The following DDX21 variants were observed in gnomAD, a reference collection of about 807,000 sequenced individuals.
The protein encoded by DDX21 is DExD-box helicase 21.
DDX21 carries 18 observed loss-of-function variants against 90.0 expected under a neutral mutation model. That is an observed-to-expected ratio of 0.20 (90% CI 0.14 to 0.30). The LOEUF is 0.30. Among genes scored for constraint, DDX21 ranks in the 10% least tolerant of loss-of-function variants. DDX21 has a pLI of 1.00. For synonymous variants in DDX21, 294 were observed against 318.0 expected, an observed-to-expected ratio of 0.92 and a Z score of 0.80; for missense variants, 673 against 944.5, an observed-to-expected ratio of 0.71 and a Z score of 3.77.
intron 7 of DDX21, 55 bp downstream of exon 7, chr10:68,969,176 C>T: frequency 1.3e-6 from 2 of 1,519,504 alleles, no homozygotes; most frequent in East Asian, 2.3e-5. Context: ...TTTTTCTTGT[C>T]TGTTAGTATT....
At chr10:68,970,484 A>AATT in intron 8 of DDX21, 134 bp downstream of exon 8, 2 of 750,774 alleles carry the variant, frequency 2.7e-6, no homozygotes, top group Non-Finnish European at 3.7e-6. Context: ...AGAGGAAGCT[A>AATT]CTTTTTTTTT....
chr10:68,963,345 A>T lies in DDX21; in HGVS notation c.662A>T (p.Tyr221Phe), dbSNP rs368733864. The T allele has an allele frequency of 3.3e-5, 53 of 1,614,192 alleles. No homozygotes were observed. Among genetic ancestry groups the T allele is most frequent in the Non-Finnish European group, 4.5e-5 (53 of 1,180,026 alleles). Residue 221 changes from tyrosine (Y) to phenylalanine (F), a missense_variant, in exon 4 of 15, where the codon TAC becomes TTC. By Grantham distance (22) the Tyr-to-Phe change is conservative. This residue lies in a region of DDX21 where 218 missense variants were observed against 347.3 expected (regional missense o/e 0.63). Transcript: ENST00000354185. ...CAAGCAAAGACATTCCATCATGTTT[A>T]CAGCGGGAAGGACTTAATTGCACAG... is the stretch of plus-strand genomic sequence containing the variant. ...PIQAKTFHHVYSGKDLIAQAR... is the reference protein window; with the variant it reads ...PIQAKTFHHVFSGKDLIAQAR...
Position 68,959,948 on chromosome 10 carries a change from C to T in DDX21, c.230C>T (p.Ala77Val), listed in dbSNP as rs768961518. The T allele has an allele frequency of 6.2e-7, 1 of 1,609,546 alleles. No individual in the cohort carries two copies. Among genetic ancestry groups the T allele is most frequent in the South Asian group, 1.1e-5 (1 of 89,368 alleles). Reference sequence around the variant, plus strand: ...ATGAATTCTCCTAAATCCAAAAAGGCAAAAAAGAAAGAGGAGCCATCTCAA... The same window carrying T: ...ATGAATTCTCCTAAATCCAAAAAGGTAAAAAAGAAAGAGGAGCCATCTCAA... ...VDMNSPKSKK[A>V]KKKEEPSQND... is the part of the protein sequence containing the mutation. Residue 77 changes from alanine (A) to valine (V), a missense_variant, in exon 2 of 15, where the codon GCA (alanine) becomes GTA (valine). Around this residue, in one of 4 missense-constraint regions of DDX21, gnomAD observed 204 missense variants for 221.6 expected, o/e 0.92. Coordinates refer to ENST00000354185, the MANE Select transcript of DDX21 (RefSeq NM_004728.4).
In DDX21 at chr10:68,956,211, C is replaced by T; in HGVS notation, c.-15C>T. 6.2e-7 allele frequency: 1 copy of T among 1,613,612 alleles called. No homozygotes were observed. The highest frequency in any genetic ancestry group is 8.5e-7 in the Non-Finnish European group (1 of 1,179,732). On this transcript the variant is annotated 5_prime_UTR_variant, in exon 1 of 15. Coordinates refer to ENST00000354185, the MANE Select transcript of DDX21 (RefSeq NM_004728.4). ...GGTTGAGAAGACCGGTCGGCCTGGG[C>T]AACCTGCGCTGAAGATGCCGGGAAA... is the stretch of plus-strand genomic sequence containing the variant.
At chr10:68,973,478 C>A in intron 9 of DDX21, 67 bp from the exon 10 acceptor site, 1 of 1,583,880 alleles carries the variant, frequency 6.3e-7, no homozygotes, top group South Asian at 1.1e-5. Context: ...CACTGACCTG[C>A]ATAGGCTACT....
chr10:68,967,246 A>AG, intron 6 of DDX21, 43 bp downstream of exon 6: 1 of 1,581,862 alleles, frequency 6.3e-7, no homozygotes, highest in Non-Finnish European at 8.6e-7. Context: ...GACCAAAGGA[A>AG]GGGTGGTAAC....
chr10:68,970,260 A>T lies in DDX21; in HGVS notation c.1296A>T (p.Arg432=). ...CAGCAGTTATTGGGGATGTCATCCG[A>T]GTATATAGTGGTCATCAAGGACGCA... ...QRAAVIGDVI[R]VYSGHQGRTI... Residue 432 remains arginine (R), a synonymous_variant, in exon 8 of 15, where the codon CGA becomes CGT. Transcript: ENST00000354185. The T allele has an allele frequency of 6.2e-7, 1 of 1,614,068 alleles. No homozygotes were observed. Among genetic ancestry groups the T allele is most frequent in the Middle Eastern group, 1.6e-4 (1 of 6,062 alleles).
intron 2 of DDX21, 129 bp from the exon 3 acceptor site, chr10:68,961,953 G>A: frequency 3.2e-6 from 2 of 619,372 alleles, no homozygotes. Flanking sequence ...TATCTTTTTG[G>A]TTGATTTTTA....
chr10:68,963,502 G>A, intron 4 of DDX21, 33 bp downstream of exon 4: 1 of 1,565,918 alleles, frequency 6.4e-7, no homozygotes, highest in Non-Finnish European at 8.6e-7. Context: ...CTCTCAGTCA[G>A]CATAGGAAAA....
At chr10:68,965,917 A>G (rs184879404) in intron 5 of DDX21, among the ~76,000 whole-genome samples, 1 of 152,072 alleles carries the variant, frequency 6.6e-6, no homozygotes, top group East Asian at 2.0e-4. Flanking sequence ...CTACTCTTAT[A>G]TTCCATTACT....
At chr10:68,963,576 T>C in intron 4 of DDX21, 107 bp downstream of exon 4, 1 of 974,542 alleles carries the variant, frequency 1.0e-6, no homozygotes, top group Non-Finnish European at 1.5e-6. Context: ...AGTCACCCAT[T>C]CTATTTACTG....
At position 68,970,215 on chromosome 10, in the gene DDX21, G is replaced by A. The variant is rs1235987255; in HGVS notation, c.1251G>A (p.Lys417=). The change falls in exon 8 of 15, where the codon AAG becomes AAA. Residue 417 remains lysine (K), a synonymous_variant. Coordinates refer to ENST00000354185, the MANE Select transcript of DDX21 (RefSeq NM_004728.4). ...TAITVEHLAI[K]CHWTQRAAVI... is the part of the protein sequence containing the mutation. ...TCTTACATAAGCATCTGGCTATTAAGTGCCACTGGACTCAGAGGGCAGCAG... is the reference window on the plus strand; with the variant it reads ...TCTTACATAAGCATCTGGCTATTAAATGCCACTGGACTCAGAGGGCAGCAG... The A allele has an allele frequency of 5.6e-6, 9 of 1,606,006 alleles. No individual in the cohort carries two copies. Among genetic ancestry groups the A allele is most frequent in the Non-Finnish European group, 7.6e-6 (9 of 1,177,624 alleles).
In DDX21 at chr10:68,967,077, C is replaced by T; in HGVS notation, c.964C>T (p.His322Tyr). Residue 322 changes from histidine (H) to tyrosine (Y), a missense_variant, in exon 6 of 15, where the codon CAC (histidine) becomes TAC (tyrosine). Coordinates refer to ENST00000354185, the MANE Select transcript of DDX21 (RefSeq NM_004728.4). ...TGGAACACCAGGTCGTATCAAAGAC[C>T]ACATACAGAATGGCAAACTAGATCT... is the stretch of plus-strand genomic sequence containing the variant. ...LVGTPGRIKD[H>Y]IQNGKLDLTK... 1 of 1,611,308 alleles carries T rather than the reference C, an allele frequency of 6.2e-7. No homozygotes were observed. Among genetic ancestry groups the T allele is most frequent in the Non-Finnish European group, 8.5e-7 (1 of 1,179,098 alleles).
Position 68,960,369 on chromosome 10 carries a change from G to C in DDX21, c.531+120G>C, listed in dbSNP as rs1842857626. 40 of 1,026,274 alleles carry C rather than the reference G, an allele frequency of 3.9e-5. No homozygotes were observed. In the South Asian group the frequency reaches 7.6e-4, roughly 20 times the overall value. The allele number at this position is 1,026,274 out of a possible 1,614,324, so 63.6% of individuals were successfully genotyped here. On this transcript the variant is annotated intron_variant, in intron 2 of 14. Coordinates refer to ENST00000354185, the MANE Select transcript of DDX21 (RefSeq NM_004728.4). The stretch of plus-strand genomic sequence containing the variant: ...AAAATGTGATGTGTCAGCACCTTGT[G>C]GGTTGGGGGATACCTTAGGCTGACT...
At chr10:68,968,393 T>C (rs1842971239) in intron 6 of DDX21, among the ~76,000 whole-genome samples, 1 of 152,174 alleles carries the variant, frequency 6.6e-6, no homozygotes, top group African/African-American at 2.4e-5. Context: ...CCTCAAGTGA[T>C]CCTCCTGCCT....
Position 68,963,468 on chromosome 10 carries a change from A to G in DDX21, c.785A>G (p.Gln262Arg), listed in dbSNP as rs1212523562. 6 of 1,609,178 alleles carry G rather than the reference A, an allele frequency of 3.7e-6. No individual in the cohort carries two copies. Among genetic ancestry groups the G allele is most frequent in the African/African-American group, 2.7e-5 (2 of 74,812 alleles). The change falls in exon 4 of 15, where the codon CAG (glutamine) becomes CGG (arginine). Residue 262 changes from glutamine (Q) to arginine (R), a missense_variant and splice_region_variant. Transcript: ENST00000354185. ...LQDRKRGRAP[Q>R]VLVLAPTREL... The stretch of plus-strand genomic sequence containing the variant: ...GACAGGAAGAGAGGCCGTGCCCCTC[A>G]GGTAACTGTCTTAAATACAAGGGCT...
In DDX21 at chr10:68,982,632, C is replaced by T. The variant is rs1843208261; in HGVS notation, c.2172C>T (p.Phe724=). 3 of 1,613,156 alleles carry T rather than the reference C, an allele frequency of 1.9e-6. No homozygotes were observed. The highest frequency in any genetic ancestry group is 2.5e-6 in the Non-Finnish European group (3 of 1,179,656). ...LEGPREGYGG[F]RGQREGSRGF... The stretch of plus-strand genomic sequence containing the variant: ...GACCACGGGAAGGATATGGAGGCTT[C>T]AGGGGACAGCGGGAAGGCAGTCGAG... Residue 724 remains phenylalanine, a synonymous_variant, in exon 15 of 15, where the codon TTC becomes TTT. Coordinates refer to ENST00000354185, the MANE Select transcript of DDX21 (RefSeq NM_004728.4).
At chr10:68,956,429 ACAC>A in intron 1 of DDX21, 117 bp downstream of exon 1, 1 of 1,520,250 alleles carries the variant, frequency 6.6e-7, no homozygotes, top group Non-Finnish European at 8.9e-7. Context: ...GCGCGTCCAG[ACAC>A]CGGGCGTGGG....
At position 68,978,982 on chromosome 10, in the gene DDX21, G is replaced by A. The variant is rs563802730; in HGVS notation, c.2037+6G>A. On this transcript the variant is annotated splice_donor_region_variant and intron_variant, in intron 13 of 14. Transcript: ENST00000354185. Reference sequence around the variant, plus strand: ...TTTTTCTCAAAGGAAAGCTGGTAAGGCTGGGGTCTCTGTTGTAACCTTGAT... The same window carrying A: ...TTTTTCTCAAAGGAAAGCTGGTAAGACTGGGGTCTCTGTTGTAACCTTGAT... 5.0e-6 allele frequency: 8 copies of A among 1,614,004 alleles called. No homozygotes were observed. In the South Asian group the frequency reaches 5.5e-5, roughly 11 times the overall value.
Sources: allele counts gnomAD v4.1 joint callset (sites outside exome capture counted in the v4.1 genomes callset), GRCh38; gene constraint gnomAD v4.1.1; regional missense constraint gnomAD v4.1.1; transcripts MANE v1.5; gene names NCBI Gene and HGNC (gene_info 2026-07-23, HGNC 2026-07-21).